TBL1XR1: variants seen among roughly 807,000 people sequenced by gnomAD.
TBL1XR1 encodes the protein F-box-like/WD repeat-containing protein TBL1XR1.
TBL1XR1 carries 5 observed loss-of-function variants against 66.9 expected under a neutral mutation model. The observed-to-expected ratio is 0.07, with a 90% CI of 0.04 to 0.16. TBL1XR1 has a LOEUF of 0.16. Among genes scored for constraint, TBL1XR1 ranks in the 10% least tolerant of loss-of-function variants. TBL1XR1 has a pLI of 1.00. For synonymous variants in TBL1XR1, 210 were observed against 206.0 expected (o/e 1.02, Z -0.17); for missense variants, 238 against 623.2 (o/e 0.38, Z 6.58).
At chr3:177,125,755 T>G (rs1352912533) in intron 1 of TBL1XR1, among the ~76,000 whole-genome samples, 1 of 152,142 alleles carries the variant, frequency 6.6e-6, no homozygotes, top group Non-Finnish European at 1.5e-5. Flanking sequence ...TTAAAATAGC[T>G]CATTTATTTA....
intron 1 of TBL1XR1, among the ~76,000 whole-genome samples, chr3:177,175,669 A>G (rs1339273016): frequency 1.3e-5 from 2 of 152,206 alleles, no homozygotes; most frequent in Non-Finnish European, 2.9e-5. Context: ...GGATGAAGCA[A>G]CTGAAATCCA....
At chr3:177,177,924 C>T (rs1734347949) in intron 1 of TBL1XR1, among the ~76,000 whole-genome samples, 1 of 151,572 alleles carries the variant, frequency 6.6e-6, no homozygotes, top group East Asian at 1.9e-4. Context: ...AAAACTGCAA[C>T]GTGGAGAATA....
chr3:177,041,995 T>C (rs1161885357), intron 10 of TBL1XR1, among the ~76,000 whole-genome samples: 1 of 152,170 alleles, frequency 6.6e-6, no homozygotes, highest in Non-Finnish European at 1.5e-5. Flanking sequence ...CTTGGTTACC[T>C]CCTATTCCTT....
intron 7 of TBL1XR1, among the ~76,000 whole-genome samples, chr3:177,048,307 A>C (rs1014883037): frequency 6.6e-6 from 1 of 152,228 alleles, no homozygotes; most frequent in Non-Finnish European, 1.5e-5. Context: ...GCAAACACAG[A>C]AGTTACAGAT....
chr3:177,042,612 G>A (rs1715741792), intron 10 of TBL1XR1, among the ~76,000 whole-genome samples: 2 of 152,078 alleles, frequency 1.3e-5, no homozygotes, highest in African/African-American at 4.8e-5. Flanking sequence ...CTCTTAAAAT[G>A]AGTCTTGATA....
At chr3:177,143,871 T>G (rs1031152499) in intron 1 of TBL1XR1, among the ~76,000 whole-genome samples, 4 of 152,216 alleles carry the variant, frequency 2.6e-5, no homozygotes, top group African/African-American at 4.8e-5. Context: ...CAAGTGAGAC[T>G]GGTAGAAATC....
chr3:177,106,243 G>C (rs1724870170), intron 1 of TBL1XR1, among the ~76,000 whole-genome samples: 1 of 152,174 alleles, frequency 6.6e-6, no homozygotes, highest in South Asian at 2.1e-4. Context: ...AGAAGTTATA[G>C]AAAGGTATTT....
intron 1 of TBL1XR1, among the ~76,000 whole-genome samples, chr3:177,158,577 C>T (rs1347638686): frequency 6.6e-5 from 10 of 152,186 alleles, no homozygotes; most frequent in Non-Finnish European, 1.3e-4. Context: ...CCATTCATCC[C>T]TATGGTATAC....
At chr3:177,106,669 A>G (rs564191263) in intron 1 of TBL1XR1, among the ~76,000 whole-genome samples, 1 of 152,334 alleles carries the variant, frequency 6.6e-6, no homozygotes, top group Admixed American at 6.5e-5. Flanking sequence ...CTAGCATAGT[A>G]ATAAGACATA....
At chr3:177,095,936 T>C (rs1723425321) in intron 2 of TBL1XR1, among the ~76,000 whole-genome samples, 1 of 152,212 alleles carries the variant, frequency 6.6e-6, no homozygotes, top group Non-Finnish European at 1.5e-5. Flanking sequence ...CCACTTATCC[T>C]AACTTGATCA....
At chr3:177,193,354 A>G (rs1736411237) in intron 1 of TBL1XR1, among the ~76,000 whole-genome samples, 1 of 151,624 alleles carries the variant, frequency 6.6e-6, no homozygotes, top group Non-Finnish European at 1.5e-5. Context: ...TCTATCGCCC[A>G]GGCTGGAGTG....
At chr3:177,189,572 T>C (rs1169693153) in intron 1 of TBL1XR1, among the ~76,000 whole-genome samples, 3 of 150,056 alleles carry the variant, frequency 2.0e-5, no homozygotes, top group Non-Finnish European at 4.4e-5. Context: ...GGAGAATCGC[T>C]TGAACCCAGG....
chr3:177,060,312 T>C (rs1718353208), intron 3 of TBL1XR1, among the ~76,000 whole-genome samples: 1 of 152,212 alleles, frequency 6.6e-6, no homozygotes, highest in Non-Finnish European at 1.5e-5. Context: ...GCAACATCGG[T>C]TATTTTTAAA....
intron 2 of TBL1XR1, among the ~76,000 whole-genome samples, chr3:177,069,767 A>C (rs1577072403): frequency 9.1e-6 from 1 of 109,458 alleles, no homozygotes; most frequent in African/African-American, 4.0e-5. Flanking sequence ...AAGGAAAGAA[A>C]GGAAGGAAAG....
intron 1 of TBL1XR1, among the ~76,000 whole-genome samples, chr3:177,131,660 C>A (rs1280770835): frequency 6.6e-6 from 1 of 151,858 alleles, no homozygotes; most frequent in African/African-American, 2.4e-5. Context: ...TACCACCATG[C>A]CCGGCTAATT....
At chr3:177,184,890 C>A (rs1201760755) in intron 1 of TBL1XR1, among the ~76,000 whole-genome samples, 1 of 152,062 alleles carries the variant, frequency 6.6e-6, no homozygotes, top group Non-Finnish European at 1.5e-5. Flanking sequence ...TACCACTACT[C>A]TAATTCTGCC....
chr3:177,046,027 T>C, intron 10 of TBL1XR1, 102 bp downstream of exon 10: 1 of 897,502 alleles, frequency 1.1e-6, no homozygotes, highest in South Asian at 1.6e-5. Flanking sequence ...ACAAGACTGA[T>C]ACTTGATATT....
At chr3:177,044,715 G>T (rs951411706) in intron 10 of TBL1XR1, 7 of 152,094 alleles carry the variant, frequency 4.6e-5, no homozygotes, top group East Asian at 1.9e-4. Flanking sequence ...GAAAGAATAC[G>T]ATGGGTAAAC....
chr3:177,122,993 G>A (rs1727162297), intron 1 of TBL1XR1, among the ~76,000 whole-genome samples: 1 of 152,154 alleles, frequency 6.6e-6, no homozygotes, highest in South Asian at 2.1e-4. Context: ...AACATCATGA[G>A]CAATATTCTC....
Sources: gnomAD v4.1 joint callset for allele counts (sites outside exome capture counted in the v4.1 genomes callset) on GRCh38, gnomAD v4.1.1 for gene constraint, MANE v1.5 for transcripts, NCBI Gene and HGNC (gene_info 2026-07-23, HGNC 2026-07-21) for gene names.